ANKRD30BL: variants seen among roughly 807,000 people sequenced by gnomAD.
ANKRD30BL encodes ankyrin repeat domain 30B like.
In ANKRD30BL, 20 loss-of-function variants were observed where a neutral mutation model predicts 18.4. That is an observed-to-expected ratio of 1.09 (90% CI 0.77 to 1.58). The LOEUF is 1.58. ANKRD30BL is among the 40% of genes most tolerant of loss of function. The pLI, the probability that ANKRD30BL is intolerant of heterozygous loss-of-function variation, is 0.00. For synonymous variants in ANKRD30BL, 72 were observed against 100.9 expected (o/e 0.71, Z 1.72); for missense variants, 224 against 268.6 (o/e 0.83, Z 1.16).
At chr2:132,203,219 T>C (rs62161723) in intron 1 of ANKRD30BL, among the ~76,000 whole-genome samples, 747 of 144,148 alleles carry the variant, frequency 5.2e-3, no homozygotes, top group Non-Finnish European at 8.0e-3. Context: ...ACACACAAGT[T>C]CAAGGAGCTT....
intron 1 of ANKRD30BL, among the ~76,000 whole-genome samples, chr2:132,226,438 T>G (rs372806549): frequency 1.3e-5 from 2 of 150,436 alleles, no homozygotes; most frequent in Non-Finnish European, 2.9e-5. Flanking sequence ...TCCTTTTGAT[T>G]GAGCAGTTTA....
At chr2:132,233,622 AC>A (rs1461244504) in intron 1 of ANKRD30BL, among the ~76,000 whole-genome samples, 1 of 151,362 alleles carries the variant, frequency 6.6e-6, no homozygotes, top group Non-Finnish European at 1.5e-5. Context: ...GATCAATTCA[AC>A]AAGAAGAGCT....
chr2:132,183,594 AG>A (rs1446024777), intron 1 of ANKRD30BL, among the ~76,000 whole-genome samples: 1 of 152,124 alleles, frequency 6.6e-6, no homozygotes, highest in Non-Finnish European at 1.5e-5. Flanking sequence ...AGAAGTTCCA[AG>A]AAAATGGTAG....
Position 132,154,644 on chromosome 2 carries a change from T to TAA in ANKRD30BL, c.614+16_614+17dup, listed in dbSNP as rs79388922. 369 of 641,748 alleles carry TAA rather than the reference T, an allele frequency of 5.7e-4. No individual in the cohort carries two copies. The highest frequency in any genetic ancestry group is 1.0e-3 in the South Asian group (57 of 54,570). The allele number at this position is 641,748 out of a possible 1,614,324, so 39.8% of individuals were successfully genotyped here. The stretch of plus-strand genomic sequence containing the variant: ...AGCACACTACTCAAGTGTTTTTTAA[T>TAA]AAAAAAAACTACTATACCATTTAAA... On this transcript the variant is annotated intron_variant, in intron 4 of 5. Transcript: ENST00000409867.
chr2:132,215,603 C>T (rs1193139401), intron 1 of ANKRD30BL, among the ~76,000 whole-genome samples: 1 of 152,012 alleles, frequency 6.6e-6, no homozygotes, highest in Non-Finnish European at 1.5e-5. Flanking sequence ...TTGATCAATT[C>T]TTTTGAGTGA....
At chr2:132,157,946 T>C (rs1375092333) in intron 1 of ANKRD30BL, among the ~76,000 whole-genome samples, 1 of 152,340 alleles carries the variant, frequency 6.6e-6, no homozygotes, top group African/African-American at 2.4e-5. Flanking sequence ...GAGATAAAGC[T>C]ATTTTAATAA....
chr2:132,255,920 A>G (rs985433364), intron 1 of ANKRD30BL, among the ~76,000 whole-genome samples: 4 of 152,118 alleles, frequency 2.6e-5, no homozygotes, highest in Non-Finnish European at 4.4e-5. Context: ...AGCTGGCGGC[A>G]CCCGACCCCC....
At chr2:132,164,989 G>A (rs1379433642), upstream of ANKRD30BL, among the ~76,000 whole-genome samples, 2 of 152,082 alleles carry the variant, frequency 1.3e-5, no homozygotes, top group East Asian at 3.9e-4. Context: ...CGTGAGAATG[G>A]CGTGAATCCG....
At chr2:132,198,268 TTTTCTTTC>T (rs1372612115) in intron 1 of ANKRD30BL, among the ~76,000 whole-genome samples, 3,979 of 109,498 alleles carry the variant, frequency 0.036, 192 homozygotes, top group African/African-American at 0.044. Context: ...TCTTTCTTTC[TTTTCTTTC>T]TTTCTTTCTT....
At chr2:132,179,667 T>TC (rs1688427993) in intron 1 of ANKRD30BL, among the ~76,000 whole-genome samples, 1 of 152,072 alleles carries the variant, frequency 6.6e-6, no homozygotes, top group Non-Finnish European at 1.5e-5. Flanking sequence ...TTCAGGCAGG[T>TC]CCTTCAGGAG....
chr2:132,218,747 A>G (rs2104767121), intron 1 of ANKRD30BL, among the ~76,000 whole-genome samples: 1 of 151,860 alleles, frequency 6.6e-6, no homozygotes, highest in African/African-American at 2.4e-5. Context: ...TTTTAGTAAA[A>G]TCTGGAAGTG....
At chr2:132,235,285 G>T (rs1051193529) in intron 1 of ANKRD30BL, among the ~76,000 whole-genome samples, 1 of 152,130 alleles carries the variant, frequency 6.6e-6, no homozygotes, top group Non-Finnish European at 1.5e-5. Context: ...CACAAGACAG[G>T]GATGCCCTCT....
intron 1 of ANKRD30BL, among the ~76,000 whole-genome samples, chr2:132,225,913 C>A (rs966644666): frequency 1.3e-5 from 2 of 151,942 alleles, no homozygotes; most frequent in Non-Finnish European, 2.9e-5. Context: ...AGAGTTGAAC[C>A]TTTCTTTTGA....
chr2:132,188,633 C>A (rs1469614199), intron 1 of ANKRD30BL, among the ~76,000 whole-genome samples: 5 of 152,040 alleles, frequency 3.3e-5, no homozygotes, highest in Admixed American at 2.0e-4. Flanking sequence ...TGGCGTGAAC[C>A]CGGGAGGTGG....
At chr2:132,209,401 T>C (rs1003692697) in intron 1 of ANKRD30BL, among the ~76,000 whole-genome samples, 16 of 151,438 alleles carry the variant, frequency 1.1e-4, no homozygotes, top group African/African-American at 3.6e-4. Context: ...TGTGCATTCA[T>C]CTCACAGAGC....
intron 1 of ANKRD30BL, among the ~76,000 whole-genome samples, chr2:132,224,134 T>C (rs1484912492): frequency 1.3e-5 from 2 of 152,114 alleles, no homozygotes; most frequent in East Asian, 1.9e-4. Flanking sequence ...CGGGAAGATA[T>C]TCACATAAAC....
At chr2:132,221,844 A>G (rs1430476262) in intron 1 of ANKRD30BL, among the ~76,000 whole-genome samples, 4 of 109,530 alleles carry the variant, frequency 3.7e-5, no homozygotes, top group Non-Finnish European at 3.6e-5. Flanking sequence ...CCGCCCGGCC[A>G]GCCGCCCCGT....
Position 132,168,971 on chromosome 2 carries a change from T to C in ANKRD30BL, n.442-11825A>G, listed in dbSNP as rs1458695596. 1.2e-4 allele frequency among the ~76,000 whole-genome samples: 19 copies of C among 152,154 alleles called. No individual in the cohort carries two copies. The East Asian group carries it at 3.3e-3, about 26-fold the overall frequency. On this transcript the variant is annotated intron_variant and non_coding_transcript_variant, in intron 1 of 4. Transcript: ENST00000470729. Reference sequence around the variant, plus strand: ...TTTTCTAACAATTATGATATCTTTTTCTATGCTTATTTTAGAATATTGTAT... The same window carrying C: ...TTTTCTAACAATTATGATATCTTTTCCTATGCTTATTTTAGAATATTGTAT...
intron 1 of ANKRD30BL, among the ~76,000 whole-genome samples, chr2:132,253,745 AG>A (rs35374540): frequency 6.6e-6 from 1 of 151,196 alleles, no homozygotes; most frequent in Admixed American, 6.6e-5. Flanking sequence ...CGACCCCTCA[AG>A]GGGTCCTTAA....
Sources: allele counts gnomAD v4.1 joint callset (sites outside exome capture counted in the v4.1 genomes callset), GRCh38; gene constraint gnomAD v4.1.1; transcripts MANE v1.5; gene names NCBI Gene and HGNC (gene_info 2026-07-23, HGNC 2026-07-21).